NRXN3: variants seen among roughly 807,000 people sequenced by gnomAD.
NRXN3 encodes neurexin 3.
Under a neutral mutation model 137.6 loss-of-function variants are expected in NRXN3, and 32 were observed. The ratio of observed to expected loss-of-function variants is 0.23; its 90% CI spans 0.18 to 0.31. The LOEUF (loss-of-function observed/expected upper bound fraction) is 0.31. NRXN3 is among the 10% of genes least tolerant of loss of function. NRXN3 has a pLI of 1.00. For missense variants in NRXN3, 1,574 were observed against 2,062.5 expected (o/e 0.76, Z 4.59); for synonymous variants, 798 against 784.5 (o/e 1.02, Z -0.29).
chr14:79,624,019 A>G (rs1174861513), intron 16 of NRXN3, among the ~76,000 whole-genome samples: 1 of 152,108 alleles, frequency 6.6e-6, no homozygotes, highest in Non-Finnish European at 1.5e-5. Context: ...GATTTCACCT[A>G]GAAGCTTAGC....
chr14:79,513,929 A>G (rs2096957104), intron 16 of NRXN3, among the ~76,000 whole-genome samples: 1 of 152,216 alleles, frequency 6.6e-6, no homozygotes, highest in Admixed American at 6.5e-5. Context: ...AAATGTCACT[A>G]TACAATAAAT....
intron 3 of NRXN3, chr14:78,282,552 G>A (rs956877344): frequency 1.8e-5 from 3 of 168,020 alleles, no homozygotes; most frequent in Non-Finnish European, 3.9e-5. Flanking sequence ...TGAGGAAATA[G>A]GCCTCCTGCT....
intron 19 of NRXN3, among the ~76,000 whole-genome samples, chr14:79,730,422 C>T (rs1195726853): frequency 6.6e-6 from 1 of 152,184 alleles, no homozygotes; most frequent in African/African-American, 2.4e-5. Flanking sequence ...TAGAGGCTAC[C>T]AACCAATTAG....
At chr14:79,126,715 G>T (rs2056560633) in intron 15 of NRXN3, among the ~76,000 whole-genome samples, 1 of 152,038 alleles carries the variant, frequency 6.6e-6, no homozygotes, top group African/African-American at 2.4e-5. Context: ...GGGTCAAATG[G>T]TATTTCTAGT....
At chr14:78,742,722 G>C (rs1197398322) in intron 8 of NRXN3, among the ~76,000 whole-genome samples, 1 of 152,108 alleles carries the variant, frequency 6.6e-6, no homozygotes, top group Non-Finnish European at 1.5e-5. Context: ...TTTTAACTAT[G>C]TAATACTATT....
intron 15 of NRXN3, among the ~76,000 whole-genome samples, chr14:79,094,948 AAG>A (rs138948861): frequency 0.026 from 3,490 of 134,696 alleles, 88 homozygotes; most frequent in African/African-American, 0.073. Context: ...GAGAGAGAGA[AAG>A]AGAGAGAGAG....
chr14:78,537,103 A>G, intron 4 of NRXN3, among the ~76,000 whole-genome samples: 1 of 152,144 alleles, frequency 6.6e-6, no homozygotes, highest in East Asian at 1.9e-4. Flanking sequence ...ATGATTTATA[A>G]TCCTTTGGGT....
intron 10 of NRXN3, among the ~76,000 whole-genome samples, chr14:78,927,150 CAAA>C (rs1555588692): frequency 0.013 from 1,414 of 111,692 alleles, 18 homozygotes; most frequent in Middle Eastern, 0.035. Flanking sequence ...GTGAGACCCT[CAAA>C]AAAAAAAAAA....
intron 4 of NRXN3, among the ~76,000 whole-genome samples, chr14:78,542,771 G>C (rs1006602745): frequency 6.6e-6 from 1 of 152,136 alleles, no homozygotes. Flanking sequence ...CTTCTGCATC[G>C]ATCACACTGG....
intron 2 of NRXN3, among the ~76,000 whole-genome samples, chr14:78,269,623 A>G (rs555005316): frequency 6.6e-6 from 1 of 152,218 alleles, no homozygotes; most frequent in Non-Finnish European, 1.5e-5. Context: ...TCACAATTCA[A>G]GAAAACTGGG....
At chr14:79,045,234 T>G (rs1014859849) in intron 15 of NRXN3, among the ~76,000 whole-genome samples, 28 of 152,060 alleles carry the variant, frequency 1.8e-4, no homozygotes, top group African/African-American at 5.8e-4. Context: ...CCCACACCCC[T>G]CCTTCTTCAT....
intron 19 of NRXN3, among the ~76,000 whole-genome samples, chr14:79,787,186 A>G (rs1034651704): frequency 2.0e-5 from 3 of 152,162 alleles, no homozygotes; most frequent in African/African-American, 7.2e-5. Context: ...ACTTTTATGG[A>G]CCACTGAGGC....
chr14:79,644,924 C>G (rs1027839755), intron 16 of NRXN3, among the ~76,000 whole-genome samples: 2 of 135,794 alleles, frequency 1.5e-5, no homozygotes, highest in African/African-American at 4.9e-5. Flanking sequence ...GACTTGGTCA[C>G]TGCTGCTCGA....
chr14:78,960,018 C>A (rs1290638946), intron 11 of NRXN3, among the ~76,000 whole-genome samples: 1 of 152,166 alleles, frequency 6.6e-6, no homozygotes, highest in Non-Finnish European at 1.5e-5. Flanking sequence ...AGTCATTATT[C>A]TTTTATGAAA....
In NRXN3 at chr14:78,913,246, TTTTCTTTC is replaced by T. The variant is rs1277509308; in HGVS notation, c.2276-43972_2276-43965del. 2.3e-3 allele frequency among the ~76,000 whole-genome samples: 264 copies of T among 112,986 alleles called. 4 individuals are homozygous for T. Among genetic ancestry groups the T allele is most frequent in the African/African-American group, 9.5e-3 (223 of 23,462 alleles). 74.1% of individuals were successfully genotyped at this position (112,986 alleles called of 152,430 possible). On this transcript the variant is annotated intron_variant, in intron 10 of 20. Transcript: ENST00000335750. ...TTTTTTTCTTTTTTCTTTTCCTTTCTTTTCTTTCTTTCTTTCTTTCTTTCTTTCTTTTT... is the reference window on the plus strand; with the variant it reads ...TTTTTTTCTTTTTTCTTTTCCTTTCTTTTCTTTCTTTCTTTCTTTCTTTTT...
In NRXN3 at chr14:78,225,976, T is replaced by G. The variant is rs1462121776; in HGVS notation, c.-703-16415T>G. Among the ~76,000 whole-genome samples the G allele has an allele frequency of 1.3e-3, 136 of 106,756 alleles. No homozygotes were observed. In the East Asian group the frequency reaches 0.021, roughly 16 times the overall value. 70.0% of individuals were successfully genotyped at this position (106,756 alleles called of 152,430 possible). A position where few individuals can be genotyped will look rare whatever the true frequency, so the allele number is the denominator to read the frequency against. Reference sequence around the variant, plus strand: ...TGGTGTGTGTGTGTGTGTGTGTTGGTGTGTGTGTGTGTGTGTGTGTGTGTG... The same window carrying G: ...TGGTGTGTGTGTGTGTGTGTGTTGGGGTGTGTGTGTGTGTGTGTGTGTGTG... On this transcript the variant is annotated intron_variant, in intron 1 of 20. Transcript: ENST00000335750.
chr14:78,270,231 GT>G (rs1171897558), intron 2 of NRXN3, among the ~76,000 whole-genome samples: 2 of 152,276 alleles, frequency 1.3e-5, no homozygotes, highest in Admixed American at 1.3e-4. Flanking sequence ...TGTCTAGAGT[GT>G]TTTCCAACAT....
chr14:78,486,091 A>T (rs924129294), intron 4 of NRXN3, among the ~76,000 whole-genome samples: 1 of 152,220 alleles, frequency 6.6e-6, no homozygotes. Context: ...GCTGGATGAA[A>T]CCATGTGGAC....
chr14:79,674,741 C>T (rs1023196055), intron 17 of NRXN3, among the ~76,000 whole-genome samples: 4 of 152,048 alleles, frequency 2.6e-5, no homozygotes, highest in Non-Finnish European at 4.4e-5. Context: ...CATTATTAAA[C>T]ATTTACTAGA....
Sources: gnomAD v4.1 joint callset for allele counts (sites outside exome capture counted in the v4.1 genomes callset) on GRCh38, gnomAD v4.1.1 for gene constraint, MANE v1.5 for transcripts, NCBI Gene and HGNC (gene_info 2026-07-23, HGNC 2026-07-21) for gene names.